Variants in PPP6R2 observed in about 807,000 individuals in gnomAD.
PPP6R2 encodes the protein serine/threonine-protein phosphatase 6 regulatory subunit 2.
Under a neutral mutation model 100.2 loss-of-function variants are expected in PPP6R2, and 62 were observed. That is an observed-to-expected ratio of 0.62 (90% CI 0.50 to 0.76). The LOEUF (loss-of-function observed/expected upper bound fraction) is 0.76. Among genes scored for constraint, PPP6R2 ranks in the 30% least tolerant of loss-of-function variants. PPP6R2 has a pLI of 0.00. For missense variants in PPP6R2, 1,142 were observed against 1,276.3 expected, an observed-to-expected ratio of 0.89 and a Z score of 1.60; for synonymous variants, 525 against 514.7, an observed-to-expected ratio of 1.02 and a Z score of -0.27.
intron 1 of PPP6R2, among the ~76,000 whole-genome samples, chr22:50,352,722 T>TAAAAA (rs2045574430): frequency 7.7e-6 from 1 of 129,582 alleles, no homozygotes. Context: ...AGACTCTGTC[T>TAAAAA]CAAAACAAAA....
chr22:50,422,438 T>G, intron 9 of PPP6R2, 58 bp downstream of exon 9: 1 of 1,594,942 alleles, frequency 6.3e-7, no homozygotes, highest in African/African-American at 1.3e-5. Flanking sequence ...GAGGTTGATT[T>G]GCAGGGAGGA....
upstream of PPP6R2, among the ~76,000 whole-genome samples, chr22:50,341,685 A>T (rs2042400752): frequency 2.0e-5 from 3 of 149,708 alleles, no homozygotes; most frequent in Non-Finnish European, 3.0e-5. Flanking sequence ...TGATGAATCC[A>T]GTGTGGGTGA....
rs184475752 is a variant in PPP6R2 at position 50,424,787 on chromosome 22, G to A, written c.1125+1173G>A. 1.8e-3 allele frequency among the ~76,000 whole-genome samples: 271 copies of A among 151,994 alleles called. 1 individual carries two copies. The highest frequency in any genetic ancestry group is 6.2e-3 in the African/African-American group (258 of 41,492). On this transcript the variant is annotated intron_variant, in intron 10 of 23. Transcript: ENST00000612753. ...CGAGTAGCTGAGATTACAGGCATGC[G>A]CCACCATGCCCAGCTAATTTTTTTT...
chr22:50,423,437 T>C lies in PPP6R2; in HGVS notation c.973-25T>C, dbSNP rs767909867. ...GGCCTCACTGCTCACAGGGCCTAAC[T>C]GGGTGGTGCCTTCTGTGTTTGCAGA... On this transcript the variant is annotated intron_variant, in intron 9 of 23. Transcript: ENST00000612753. This position sits in a 1 kb window ranked among gnomAD's most constrained non-coding sequence, Gnocchi z 4.8. 6.2e-7 allele frequency: 1 copy of C among 1,613,854 alleles called. No homozygotes were observed. Among genetic ancestry groups the C allele is most frequent in the Non-Finnish European group, 8.5e-7 (1 of 1,179,772 alleles).
the PPP6R2 span, among the ~76,000 whole-genome samples, chr22:50,333,579 A>G: frequency 2.0e-5 from 3 of 151,846 alleles, no homozygotes; most frequent in Non-Finnish European, 2.9e-5. Context: ...TGATCCGCCC[A>G]CCTCGGCCTC....
chr22:50,414,608 C>A lies in PPP6R2; in HGVS notation c.471C>A (p.Ile157=), dbSNP rs752993468. ...TCATCAGCCTGGTGTTGAAGCACAT[C>A]GGCACCTCAGCGCTTATGGACCTGC... ...DKFISLVLKH[I]GTSALMDLLL... The change falls in exon 5 of 24, where the codon ATC becomes ATA. Residue 157 remains isoleucine, a synonymous_variant. Coordinates refer to ENST00000612753, the MANE Select transcript of PPP6R2 (RefSeq NM_001242898.2). 2 of 1,613,944 alleles carry A rather than the reference C, an allele frequency of 1.2e-6. No individual in the cohort carries two copies. Among genetic ancestry groups the A allele is most frequent in the East Asian group, 2.2e-5 (1 of 44,876 alleles).
At position 50,441,114 on chromosome 22, in the gene PPP6R2, G is replaced by A. The variant is rs2065486865; in HGVS notation, c.2579+88G>A. ...CCCCAGGTCTCAGCTCCCCTGAGAG[G>A]AGGTGAGGCCAGGCCAGGGTCTTCT... On this transcript the variant is annotated intron_variant, in intron 22 of 23. Transcript: ENST00000612753. 4 of 1,183,334 alleles carry A rather than the reference G, an allele frequency of 3.4e-6. No homozygotes were observed. The Admixed American group carries it at 7.9e-5, about 23-fold the overall frequency. 73.3% of individuals were successfully genotyped at this position (1,183,334 alleles called of 1,614,324 possible). A position where few individuals can be genotyped will look rare whatever the true frequency, so the allele number is the denominator to read the frequency against.
chr22:50,430,415 A>G (rs1009966483), intron 10 of PPP6R2, among the ~76,000 whole-genome samples: 2 of 152,282 alleles, frequency 1.3e-5, no homozygotes, highest in Non-Finnish European at 2.9e-5. Flanking sequence ...TGAGAAAGAC[A>G]GAATCATAAA....
At chr22:50,425,155 A>G (rs1344147995) in intron 10 of PPP6R2, among the ~76,000 whole-genome samples, 1 of 152,146 alleles carries the variant, frequency 6.6e-6, no homozygotes, top group Non-Finnish European at 1.5e-5. Flanking sequence ...CTAACTCCCC[A>G]TTCATTCTCC....
chr22:50,341,999 A>G, upstream of PPP6R2, among the ~76,000 whole-genome samples: 1 of 151,522 alleles, frequency 6.6e-6, no homozygotes, highest in Admixed American at 6.6e-5. Context: ...TCTCAAAAAA[A>G]AAAAAGAGGA....
At chr22:50,336,567 AT>A in the PPP6R2 span, among the ~76,000 whole-genome samples, 7 of 146,418 alleles carry the variant, frequency 4.8e-5, no homozygotes, top group South Asian at 4.4e-4. Flanking sequence ...GTAGAGAAAA[AT>A]TTTTTTTTAG....
At chr22:50,380,246 T>C (rs1223066520) in intron 2 of PPP6R2, among the ~76,000 whole-genome samples, 1 of 150,988 alleles carries the variant, frequency 6.6e-6, no homozygotes, top group Non-Finnish European at 1.5e-5. Flanking sequence ...TTTTTTTTGG[T>C]ATTTTTAGTA....
chr22:50,438,366 C>T (rs531056430), intron 18 of PPP6R2, 68 bp downstream of exon 18: 72 of 1,559,974 alleles, frequency 4.6e-5, no homozygotes, highest in Admixed American at 1.3e-4. Flanking sequence ...ACCTGTCAGA[C>T]GCCCTGTGGT....
At position 50,438,304 on chromosome 22, in the gene PPP6R2, G is replaced by A. The variant is rs2064835775; in HGVS notation, c.1964+6G>A. 2 of 1,608,944 alleles carry A rather than the reference G, an allele frequency of 1.2e-6. No homozygotes were observed. The highest frequency in any genetic ancestry group is 8.5e-7 in the Non-Finnish European group (1 of 1,177,822). ...CGGGTGATGGCCAGACCCAGGTGCG[G>A]GGCCTGCCCATCCCCACAAAGCCTC... On this transcript the variant is annotated splice_donor_region_variant and intron_variant, in intron 18 of 23. Transcript: ENST00000612753.
At chr22:50,425,166 C>T (rs2061923568) in intron 10 of PPP6R2, among the ~76,000 whole-genome samples, 1 of 152,208 alleles carries the variant, frequency 6.6e-6, no homozygotes, top group Non-Finnish European at 1.5e-5. Flanking sequence ...TTCATTCTCC[C>T]TCTCCACAGT....
At chr22:50,363,460 T>A (rs1440671094) in intron 1 of PPP6R2, among the ~76,000 whole-genome samples, 1 of 152,260 alleles carries the variant, frequency 6.6e-6, no homozygotes, top group Non-Finnish European at 1.5e-5. Flanking sequence ...CCCTTTCATA[T>A]TCCTGGTGTC....
intron 18 of PPP6R2, 60 bp from the exon 19 acceptor site, chr22:50,438,539 A>ACCCT: frequency 6.3e-7 from 1 of 1,580,178 alleles, no homozygotes; most frequent in Non-Finnish European, 8.6e-7. Context: ...GCCGCCACTG[A>ACCCT]CCCTCCATGT....
intron 22 of PPP6R2, 109 bp downstream of exon 22, chr22:50,441,135 C>T: frequency 1.0e-6 from 1 of 958,998 alleles, no homozygotes; most frequent in Non-Finnish European, 1.5e-6. Context: ...AGGCCAGGGT[C>T]TTCTCCACAC....
intron 8 of PPP6R2, 149 bp downstream of exon 8, chr22:50,419,611 T>A (rs1408470588): frequency 1.5e-6 from 1 of 648,816 alleles, no homozygotes; most frequent in African/African-American, 1.8e-5. Flanking sequence ...TGTTGAAGGC[T>A]TGACTTTATG....
Sources: allele counts gnomAD v4.1 joint callset (sites outside exome capture counted in the v4.1 genomes callset), GRCh38; gene constraint gnomAD v4.1.1; non-coding constraint Gnocchi (gnomAD v3.1); transcripts MANE v1.5; gene names NCBI Gene and HGNC (gene_info 2026-07-23, HGNC 2026-07-21).